The following FHIT variants were observed in gnomAD, a reference collection of about 807,000 sequenced individuals.
FHIT encodes bis(5'-adenosyl)-triphosphatase.
FHIT carries 19 observed loss-of-function variants against 17.9 expected under a neutral mutation model. The observed-to-expected ratio is 1.06, with a 90% CI of 0.74 to 1.56. The LOEUF (loss-of-function observed/expected upper bound fraction) is 1.56. Among genes scored for constraint, FHIT ranks in the 40% most tolerant of loss-of-function variants. The probability of loss-of-function intolerance (pLI) is 0.00; values close to 1 mark genes in which losing one functional copy is unlikely to be tolerated. For synonymous variants in FHIT, 81 were observed against 69.7 expected (o/e 1.16, Z -0.81); for missense variants, 248 against 189.2 (o/e 1.31, Z -1.82).
chr3:60,597,138 T>C (rs962834618), intron 4 of FHIT, among the ~76,000 whole-genome samples: 1 of 152,088 alleles, frequency 6.6e-6, no homozygotes, highest in Non-Finnish European at 1.5e-5. Context: ...GAATAAATAT[T>C]AAGATAATGG....
intron 4 of FHIT, among the ~76,000 whole-genome samples, chr3:60,711,276 A>G (rs892195888): frequency 3.3e-5 from 5 of 152,194 alleles, no homozygotes; most frequent in Non-Finnish European, 7.3e-5. Flanking sequence ...CCATCTGTAC[A>G]TCACCATCAT....
intron 3 of FHIT, among the ~76,000 whole-genome samples, chr3:60,827,173 T>C (rs1213267748): frequency 1.3e-5 from 2 of 152,276 alleles, no homozygotes; most frequent in East Asian, 3.9e-4. Context: ...GGCAAAAAAG[T>C]TTGCAGGAAA....
chr3:59,924,922 T>C (rs185693317), intron 7 of FHIT, among the ~76,000 whole-genome samples: 1 of 152,344 alleles, frequency 6.6e-6, no homozygotes, highest in African/African-American at 2.4e-5. Context: ...ACCTGGTTTC[T>C]TACCTTGCTT....
chr3:60,816,096 C>G (rs1553737598), intron 4 of FHIT, among the ~76,000 whole-genome samples: 1 of 152,026 alleles, frequency 6.6e-6, no homozygotes, highest in Admixed American at 6.6e-5. Flanking sequence ...ATTTAATGAC[C>G]TGAAACTTTA....
At chr3:60,554,490 T>C (rs1161889547) in intron 4 of FHIT, among the ~76,000 whole-genome samples, 4 of 152,174 alleles carry the variant, frequency 2.6e-5, no homozygotes, top group South Asian at 2.1e-4. Flanking sequence ...TATGAAGACA[T>C]TGTGGACATA....
At chr3:59,862,882 A>AC (rs1352676930) in intron 8 of FHIT, among the ~76,000 whole-genome samples, 2 of 101,922 alleles carry the variant, frequency 2.0e-5, no homozygotes, top group East Asian at 6.3e-4. Flanking sequence ...TCCATGAGTC[A>AC]TTCTGATAAC....
Position 60,571,015 on chromosome 3 carries a change from C to T in FHIT, c.-17-34036G>A, listed in dbSNP as rs1309370707. ...TAACTCCACTAAATAAATGGCACAA[C>T]CACAAGCTGTTATTAGGAACACTGA... On this transcript the variant is annotated intron_variant, in intron 4 of 9. Transcript: ENST00000492590. Among the ~76,000 whole-genome samples the T allele has an allele frequency of 3.9e-5, 6 of 152,016 alleles. No individual in the cohort carries two copies. The East Asian group carries it at 1.2e-3, about 30-fold the overall frequency.
chr3:60,133,416 G>A (rs78847124), intron 5 of FHIT, among the ~76,000 whole-genome samples: 6,865 of 152,250 alleles, frequency 0.045, 234 homozygotes, highest in South Asian at 0.14. Flanking sequence ...GGGTAGAGCA[G>A]GGAATGAGTT....
chr3:61,219,616 C>G (rs1035311185), intron 1 of FHIT, among the ~76,000 whole-genome samples: 1 of 152,154 alleles, frequency 6.6e-6, no homozygotes, highest in Non-Finnish European at 1.5e-5. Context: ...CTAGAGCAGA[C>G]AAACTCTGTA....
At chr3:60,019,195 T>A (rs1700458458) in intron 5 of FHIT, among the ~76,000 whole-genome samples, 1 of 152,136 alleles carries the variant, frequency 6.6e-6, no homozygotes, top group Admixed American at 6.5e-5. Context: ...TGCTTAAGGC[T>A]TACATTGTCC....
At chr3:60,659,620 T>C (rs1022831818) in intron 4 of FHIT, among the ~76,000 whole-genome samples, 4 of 152,214 alleles carry the variant, frequency 2.6e-5, no homozygotes, top group Non-Finnish European at 1.5e-5. Flanking sequence ...CGTTCTATTT[T>C]TACTTTTTCT....
intron 7 of FHIT, among the ~76,000 whole-genome samples, chr3:59,986,519 A>AAATATATTTATATTTATACATT (rs1559523435): frequency 0.12 from 620 of 5,148 alleles, 60 homozygotes; most frequent in Middle Eastern, 0.42. Context: ...ATATATATAT[A>AAATATATTTATATTTATACATT]TATATATATA....
At chr3:60,684,614 G>A (rs1430532050) in intron 4 of FHIT, among the ~76,000 whole-genome samples, 2 of 151,914 alleles carry the variant, frequency 1.3e-5, no homozygotes, top group Non-Finnish European at 2.9e-5. Flanking sequence ...CCGTGCCAGG[G>A]TCTCTTCCAA....
intron 5 of FHIT, among the ~76,000 whole-genome samples, chr3:60,104,468 G>C (rs969518689): frequency 6.1e-5 from 8 of 130,558 alleles, no homozygotes; most frequent in South Asian, 5.3e-4. Flanking sequence ...GTCTTGAAGA[G>C]AGAGTGAATT....
At chr3:59,856,286 C>G (rs1702152993) in intron 8 of FHIT, among the ~76,000 whole-genome samples, 2 of 151,976 alleles carry the variant, frequency 1.3e-5, no homozygotes, top group Admixed American at 1.3e-4. Flanking sequence ...TTATATAGCC[C>G]TATGGCTATT....
intron 7 of FHIT, among the ~76,000 whole-genome samples, chr3:59,944,038 T>C (rs947234810): frequency 1.8e-4 from 28 of 152,254 alleles, no homozygotes; most frequent in Non-Finnish European, 3.2e-4. Flanking sequence ...TACTAGGTAC[T>C]GTCTAAATAC....
intron 7 of FHIT, among the ~76,000 whole-genome samples, chr3:59,973,205 C>G (rs1347497248): frequency 1.3e-5 from 2 of 152,114 alleles, no homozygotes; most frequent in Non-Finnish European, 2.9e-5. Context: ...TCTAATCTGT[C>G]TTCCATCCTA....
At chr3:60,026,778 A>C (rs1385717562) in intron 5 of FHIT, among the ~76,000 whole-genome samples, 1 of 152,164 alleles carries the variant, frequency 6.6e-6, no homozygotes, top group Non-Finnish European at 1.5e-5. Flanking sequence ...ACAGCACAGA[A>C]CACTATATGG....
At chr3:60,069,261 T>C (rs1702655505) in intron 5 of FHIT, among the ~76,000 whole-genome samples, 4 of 128,708 alleles carry the variant, frequency 3.1e-5, no homozygotes. Context: ...TTGAACTACT[T>C]TTTTTTAAAT....
Sources: allele counts gnomAD v4.1 joint callset (sites outside exome capture counted in the v4.1 genomes callset), GRCh38; gene constraint gnomAD v4.1.1; transcripts MANE v1.5; gene names NCBI Gene and HGNC (gene_info 2026-07-23, HGNC 2026-07-21).